The following LSM12 variants were observed in gnomAD, a reference collection of about 807,000 sequenced individuals.
LSM12 encodes LSM12 homolog.
For synonymous variants in LSM12, 74 were observed against 87.3 expected (o/e 0.85, Z 0.85); for missense variants, 108 against 238.9 (o/e 0.45, Z 3.61).
At chr17:44,052,574 C>T (rs1764859514) in intron 2 of LSM12, among the ~76,000 whole-genome samples, 1 of 151,912 alleles carries the variant, frequency 6.6e-6, no homozygotes, top group Non-Finnish European at 1.5e-5. Flanking sequence ...GCCTGCCCAA[C>T]ATGGTGAAAC....
intron 2 of LSM12, among the ~76,000 whole-genome samples, chr17:44,052,753 C>CT (rs2049663547): frequency 6.6e-6 from 1 of 150,818 alleles, no homozygotes; most frequent in South Asian, 2.1e-4. Context: ...GAGCGAAACT[C>CT]TGTCTTAAAA....
chr17:44,056,140 G>T (rs1041276885), intron 2 of LSM12, among the ~76,000 whole-genome samples: 1 of 151,950 alleles, frequency 6.6e-6, no homozygotes, highest in African/African-American at 2.4e-5. Context: ...GGGCATGCTG[G>T]TGCATGCCTG....
intron 2 of LSM12, among the ~76,000 whole-genome samples, chr17:44,043,845 A>G (rs2144078666): frequency 6.6e-6 from 1 of 152,136 alleles, no homozygotes; most frequent in African/African-American, 2.4e-5. Flanking sequence ...TAAGGAAAGA[A>G]GGAAAAACTG....
At chr17:44,040,936 G>A (rs922402460) in intron 2 of LSM12, among the ~76,000 whole-genome samples, 6 of 151,780 alleles carry the variant, frequency 4.0e-5, no homozygotes, top group Admixed American at 2.6e-4. Flanking sequence ...AGCTGAGATC[G>A]CGCCACTGCA....
intron 2 of LSM12, among the ~76,000 whole-genome samples, chr17:44,061,976 C>T (rs1281702873): frequency 6.6e-6 from 1 of 152,162 alleles, no homozygotes; most frequent in Non-Finnish European, 1.5e-5. Flanking sequence ...AATCCCAGCA[C>T]TTTGGGAGGC....
chr17:44,039,798 A>G (rs1209050430), intron 3 of LSM12, among the ~76,000 whole-genome samples: 4 of 152,268 alleles, frequency 2.6e-5, no homozygotes, highest in South Asian at 2.1e-4. Flanking sequence ...AAACTGCATC[A>G]GCTTTTAAAG....
chr17:44,040,626 T>C (rs942283110), intron 2 of LSM12, among the ~76,000 whole-genome samples: 1 of 152,042 alleles, frequency 6.6e-6, no homozygotes, highest in African/African-American at 2.4e-5. Flanking sequence ...TTTAACATTA[T>C]AGAGTGTGGC....
At chr17:44,065,612 C>T (rs1188900090) in intron 1 of LSM12, among the ~76,000 whole-genome samples, 1 of 152,094 alleles carries the variant, frequency 6.6e-6, no homozygotes, top group African/African-American at 2.4e-5. Context: ...TCACTTCCAC[C>T]CCAAAGAAGC....
intron 2 of LSM12, among the ~76,000 whole-genome samples, chr17:44,061,925 C>T (rs1388905997): frequency 6.6e-6 from 1 of 152,132 alleles, no homozygotes; most frequent in African/African-American, 2.4e-5. Context: ...AGACACTAGA[C>T]AAGTAAACAA....
chr17:44,039,365 CT>C (rs35411238), intron 3 of LSM12, among the ~76,000 whole-genome samples: 5,851 of 50,878 alleles, frequency 0.12, 28 homozygotes, highest in Non-Finnish European at 0.14. Context: ...AACAAAATGT[CT>C]TTTTTTTTTT....
chr17:44,037,989 A>G (rs572148868), intron 3 of LSM12, among the ~76,000 whole-genome samples: 5 of 152,332 alleles, frequency 3.3e-5, no homozygotes, highest in Non-Finnish European at 7.3e-5. Context: ...AAAACAGATG[A>G]GCAGATGTGG....
chr17:44,043,858 G>A (rs1460375529), intron 2 of LSM12, among the ~76,000 whole-genome samples: 7 of 151,904 alleles, frequency 4.6e-5, no homozygotes, highest in Non-Finnish European at 8.8e-5. Context: ...AAAAACTGGA[G>A]GGTGGCAGAG....
intron 4 of LSM12, 89 bp downstream of exon 4, chr17:44,037,323 T>C: frequency 6.9e-7 from 1 of 1,441,234 alleles, no homozygotes; most frequent in Non-Finnish European, 9.2e-7. Context: ...AGGCAGAGAC[T>C]GTAGCACAAT....
Position 44,036,237 on chromosome 17 carries a change from G to A in LSM12, c.559C>T (p.Pro187Ser). Residue 187 changes from proline to serine, a missense_variant, in exon 5 of 5, where the codon CCA (proline) becomes TCA (serine). Pro to Ser is a moderately conservative substitution (Grantham distance 74). Transcript: ENST00000293406. ...GATGACAGGGCAGCCTCCTTCTGTG[G>A]TTGCTGGGCTTGTGAACGTTGCAGT... The part of the protein sequence containing the change: ...KILQRSQAQQ[P>S]QKEAALSS The A allele has an allele frequency of 1.2e-6, 2 of 1,613,368 alleles. No homozygotes were observed. The highest frequency in any genetic ancestry group is 1.7e-6 in the Non-Finnish European group (2 of 1,179,896).
chr17:44,061,129 C>A (rs2049789988), intron 2 of LSM12, among the ~76,000 whole-genome samples: 1 of 152,020 alleles, frequency 6.6e-6, no homozygotes, highest in African/African-American at 2.4e-5. Flanking sequence ...ACCAGCCTGA[C>A]CAACACGGAG....
intron 2 of LSM12, among the ~76,000 whole-genome samples, chr17:44,053,433 G>C (rs1481125021): frequency 6.6e-6 from 1 of 152,156 alleles, no homozygotes; most frequent in Non-Finnish European, 1.5e-5. Context: ...ATGACCACTA[G>C]TGCAGAGCGG....
chr17:44,064,108 C>T (rs1442969815), intron 1 of LSM12, among the ~76,000 whole-genome samples, 174 bp from the exon 2 acceptor site: 1 of 152,204 alleles, frequency 6.6e-6, no homozygotes, highest in Admixed American at 6.6e-5. Flanking sequence ...TCACCTTCCT[C>T]CTGCCCAAAT....
At chr17:44,038,649 G>A (rs866263285) in intron 3 of LSM12, among the ~76,000 whole-genome samples, 11 of 151,838 alleles carry the variant, frequency 7.2e-5, no homozygotes, top group South Asian at 2.1e-4. Flanking sequence ...GTGAGACTCC[G>A]ACTCAAAAAA....
intron 2 of LSM12, among the ~76,000 whole-genome samples, chr17:44,047,600 T>C (rs943533959): frequency 6.6e-6 from 1 of 152,034 alleles, no homozygotes; most frequent in Admixed American, 6.6e-5. Flanking sequence ...TCTTGCTCTG[T>C]TGCCCAGGCT....
Sources: gnomAD v4.1 joint callset for allele counts (sites outside exome capture counted in the v4.1 genomes callset) on GRCh38, gnomAD v4.1.1 for gene constraint, MANE v1.5 for transcripts, NCBI Gene and HGNC (gene_info 2026-07-23, HGNC 2026-07-21) for gene names.